The following SERP2 variants were observed in gnomAD, a reference collection of about 807,000 sequenced individuals.
The protein encoded by SERP2 is stress-associated endoplasmic reticulum protein 2.
Under a neutral mutation model 9.1 loss-of-function variants are expected in SERP2, and 6 were observed. That is an observed-to-expected ratio of 0.66 (90% CI 0.36 to 1.30). The LOEUF (loss-of-function observed/expected upper bound fraction) is 1.30. SERP2 is among the 50% of genes most tolerant of loss of function. SERP2 has a pLI of 0.03. For synonymous variants in SERP2, 37 were observed against 27.3 expected (o/e 1.35, Z -1.10); for missense variants, 58 against 81.9 (o/e 0.71, Z 1.13).
intron 2 of SERP2, among the ~76,000 whole-genome samples, chr13:44,391,281 A>G (rs887217941): frequency 6.6e-6 from 1 of 152,162 alleles, no homozygotes; most frequent in Admixed American, 6.5e-5. Flanking sequence ...TCGAAGACTG[A>G]GCTTTAGAGA....
At chr13:44,374,604 A>C (rs778266883) in intron 1 of SERP2, among the ~76,000 whole-genome samples, 2 of 152,180 alleles carry the variant, frequency 1.3e-5, no homozygotes, top group Non-Finnish European at 2.9e-5. Flanking sequence ...AATGGAGGCC[A>C]CTTGTCATCT....
rs187067549 is a variant in SERP2 at position 44,393,996 on chromosome 13, T to C, written c.158-3276T>C. ...CATGTTAAGGATCGCTGGACTCTTA[T>C]ATGTTAATTCATGGATTCAATTATG... On this transcript the variant is annotated intron_variant, in intron 2 of 2. Transcript: ENST00000379179. 3.9e-5 allele frequency among the ~76,000 whole-genome samples: 6 copies of C among 152,374 alleles called. No individual in the cohort carries two copies. In the East Asian group the frequency reaches 7.7e-4, roughly 20 times the overall value.
Position 44,397,618 on chromosome 13 carries a change from T to C in SERP2, c.*306T>C, listed in dbSNP as rs559824633. The stretch of plus-strand genomic sequence containing the variant: ...TCCCTTGGTTTCACTAATGCGTGCA[T>C]GTGGCCCTCTGAACGATCACTGGTT... On this transcript the variant is annotated 3_prime_UTR_variant, in exon 3 of 3. Transcript: ENST00000379179. 15 of 442,316 alleles carry C rather than the reference T, an allele frequency of 3.4e-5. No homozygotes were observed. The Admixed American group carries it at 4.4e-4, about 13-fold the overall frequency. The allele number at this position is 442,316 out of a possible 1,614,324, so 27.4% of individuals were successfully genotyped here.
chr13:44,375,058 A>T (rs1409723058), intron 1 of SERP2, among the ~76,000 whole-genome samples: 1 of 152,124 alleles, frequency 6.6e-6, no homozygotes, highest in Non-Finnish European at 1.5e-5. Context: ...CATGAGTCGC[A>T]TGGGTAGTTT....
chr13:44,374,151 C>CG, intron 1 of SERP2, 42 bp downstream of exon 1: 14 of 303,914 alleles, frequency 4.6e-5, no homozygotes, highest in South Asian at 1.4e-4. Flanking sequence ...CCCTGCAGCC[C>CG]GGCGGGGTGG....
intron 2 of SERP2, among the ~76,000 whole-genome samples, chr13:44,391,822 A>G (rs1004435623): frequency 4.0e-5 from 6 of 151,810 alleles, no homozygotes; most frequent in African/African-American, 1.5e-4. Flanking sequence ...TGATCAAAGA[A>G]GGCTTCTCTG....
At chr13:44,373,714 C>T, upstream of SERP2, 2 of 342,934 alleles carry the variant, frequency 5.8e-6, no homozygotes, top group South Asian at 4.4e-5. The surrounding 1 kb of genome is among the most constrained non-coding windows in gnomAD (Gnocchi z 4.8). Context: ...GGCCGCTCGG[C>T]GCGGGAGGAC....
rs535109930 is a variant in SERP2 at position 44,394,124 on chromosome 13, C to A, written c.158-3148C>A. Among the ~76,000 whole-genome samples the A allele has an allele frequency of 1.2e-3, 184 of 151,940 alleles. 1 individual carries two copies. The highest frequency in any genetic ancestry group is 4.3e-3 in the African/African-American group (178 of 41,458). Reference sequence around the variant, plus strand: ...AGACGTGCAAACTTTATCTTAGATTCTTTCTATTATTTTTATTTATTTATT... The same window carrying A: ...AGACGTGCAAACTTTATCTTAGATTATTTCTATTATTTTTATTTATTTATT... On this transcript the variant is annotated intron_variant, in intron 2 of 2. Transcript: ENST00000379179.
intron 1 of SERP2, among the ~76,000 whole-genome samples, chr13:44,376,733 C>T (rs1356499102): frequency 1.3e-5 from 2 of 151,884 alleles, no homozygotes; most frequent in East Asian, 3.9e-4. Flanking sequence ...CGAGATCACG[C>T]CACCGCACTC....
Position 44,397,466 on chromosome 13 carries a change from C to T in SERP2, c.*154C>T, listed in dbSNP as rs1289852816. The T allele has an allele frequency of 1.6e-6, 1 of 642,492 alleles. No individual in the cohort carries two copies. Among genetic ancestry groups the T allele is most frequent in the Non-Finnish European group, 2.8e-6 (1 of 362,580 alleles). The allele number at this position is 642,492 out of a possible 1,614,324, so 39.8% of individuals were successfully genotyped here. ...TGATCACTTCATCGTGGATGTCAGA[C>T]CAAATTGCCTTCTCACAGGACATCT... On this transcript the variant is annotated 3_prime_UTR_variant, in exon 3 of 3. Transcript: ENST00000379179.
intron 2 of SERP2, 47 bp downstream of exon 2, chr13:44,379,760 T>C: frequency 7.7e-7 from 1 of 1,306,804 alleles, no homozygotes; most frequent in Non-Finnish European, 1.1e-6. Context: ...CCACTGGCCT[T>C]TGAAAAACAC....
intron 2 of SERP2, among the ~76,000 whole-genome samples, chr13:44,394,525 TG>T (rs1204848996): frequency 1.3e-5 from 2 of 152,232 alleles, no homozygotes; most frequent in Non-Finnish European, 2.9e-5. Flanking sequence ...TAACTTAATA[TG>T]GGGGCTACAT....
chr13:44,375,324 A>G (rs1393165306), intron 1 of SERP2, among the ~76,000 whole-genome samples: 1 of 152,028 alleles, frequency 6.6e-6, no homozygotes, highest in Non-Finnish European at 1.5e-5. Flanking sequence ...ACTCAACTCT[A>G]CTCAGAGCTT....
At chr13:44,375,321 T>G (rs1227492384) in intron 1 of SERP2, among the ~76,000 whole-genome samples, 1 of 152,044 alleles carries the variant, frequency 6.6e-6, no homozygotes, top group South Asian at 2.1e-4. Flanking sequence ...CAAACTCAAC[T>G]CTACTCAGAG....
intron 2 of SERP2, among the ~76,000 whole-genome samples, chr13:44,388,217 G>A (rs1357617930): frequency 2.0e-5 from 3 of 151,844 alleles, no homozygotes; most frequent in African/African-American, 7.3e-5. Context: ...TCTGGTTGAA[G>A]TGAAGTCTGT....
intron 2 of SERP2, 30 bp downstream of exon 2, chr13:44,379,743 A>C: frequency 2.0e-6 from 3 of 1,513,218 alleles, no homozygotes; most frequent in Non-Finnish European, 2.7e-6. Context: ...CTTATATCCC[A>C]TGTTCTCCAC....
intron 1 of SERP2, among the ~76,000 whole-genome samples, chr13:44,374,710 G>C (rs1395047156): frequency 3.3e-5 from 5 of 152,128 alleles, no homozygotes; most frequent in Non-Finnish European, 1.5e-5. Context: ...TGGAGGTGTG[G>C]AAAGAGCTCA....
chr13:44,393,232 A>G (rs1872887515), intron 2 of SERP2, among the ~76,000 whole-genome samples: 1 of 152,184 alleles, frequency 6.6e-6, no homozygotes. Context: ...GCAGAAAGTG[A>G]GCATAGACAG....
chr13:44,389,388 G>A (rs1237141766), intron 2 of SERP2, among the ~76,000 whole-genome samples: 1 of 152,110 alleles, frequency 6.6e-6, no homozygotes, highest in Non-Finnish European at 1.5e-5. Context: ...AGACTCTCAG[G>A]ACTATTAATC....
Sources: gnomAD v4.1 joint callset for allele counts (sites outside exome capture counted in the v4.1 genomes callset) on GRCh38, gnomAD v4.1.1 for gene constraint, Gnocchi (gnomAD v3.1) non-coding constraint, MANE v1.5 for transcripts, NCBI Gene and HGNC (gene_info 2026-07-23, HGNC 2026-07-21) for gene names.